The following RIC1 variants were observed in gnomAD, a reference collection of about 807,000 sequenced individuals.
RIC1 encodes guanine nucleotide exchange factor subunit RIC1.
A neutral mutation model predicts 169.0 loss-of-function variants in RIC1; 88 were observed. The ratio of observed to expected loss-of-function variants is 0.52; its 90% confidence interval spans 0.44 to 0.62. The LOEUF is 0.62. RIC1 is among the 20% of genes least tolerant of loss of function. The pLI is 0.00. For synonymous variants in RIC1, 790 were observed against 601.5 expected, an observed-to-expected ratio of 1.31 and a Z score of -4.59; for missense variants, 1,877 against 1,725.5, an observed-to-expected ratio of 1.09 and a Z score of -1.56.
At chr9:5,639,384 A>G (rs578191960) in intron 1 of RIC1, among the ~76,000 whole-genome samples, 96 of 152,266 alleles carry the variant, frequency 6.3e-4, no homozygotes, top group African/African-American at 2.2e-3. Flanking sequence ...ATATTGTTTA[A>G]TTTCCAAGTG....
At chr9:5,761,022 A>G (rs924196321) in intron 17 of RIC1, among the ~76,000 whole-genome samples, 1 of 150,440 alleles carries the variant, frequency 6.6e-6, no homozygotes. Context: ...CCAAAAGCTC[A>G]GGTGATGGCC....
At chr9:5,663,588 C>T (rs1035789226) in intron 2 of RIC1, among the ~76,000 whole-genome samples, 2 of 152,016 alleles carry the variant, frequency 1.3e-5, no homozygotes, top group African/African-American at 2.4e-5. Flanking sequence ...CCTTTTTTAT[C>T]TTTTTTCATT....
chr9:5,708,413 G>A (rs1401026096), intron 3 of RIC1, among the ~76,000 whole-genome samples: 1 of 152,036 alleles, frequency 6.6e-6, no homozygotes, highest in Non-Finnish European at 1.5e-5. Flanking sequence ...ATTGCCTCTT[G>A]TTTTTTCAGG....
chr9:5,629,233 G>T lies in RIC1; in HGVS notation c.-77G>T, dbSNP rs1817596458. The T allele has an allele frequency of 3.1e-6, 4 of 1,277,642 alleles. No homozygotes were observed. In the East Asian group the frequency reaches 9.5e-5, roughly 30 times the overall value. The allele number at this position is 1,277,642 out of a possible 1,614,324, so 79.1% of individuals were successfully genotyped here. On this transcript the variant is annotated 5_prime_UTR_variant, in exon 1 of 26. Coordinates refer to ENST00000414202, the MANE Select transcript of RIC1 (RefSeq NM_020829.4). The stretch of plus-strand genomic sequence containing the variant: ...CGCCGCCGACTCGGCCGGTGGCGGT[G>T]TGGGAGGTGGGCGACCAGCCCGGGG...
chr9:5,647,706 T>A (rs924557451), intron 1 of RIC1, among the ~76,000 whole-genome samples: 1 of 152,248 alleles, frequency 6.6e-6, no homozygotes, highest in Non-Finnish European at 1.5e-5. Context: ...ATAATTTTAC[T>A]TATTCATTTC....
chr9:5,690,179 G>T, intron 3 of RIC1, 141 bp downstream of exon 3: 1 of 482,166 alleles, frequency 2.1e-6, no homozygotes, highest in Non-Finnish European at 3.6e-6. Context: ...AAATTACCAG[G>T]TCTTTGAACT....
intron 3 of RIC1, among the ~76,000 whole-genome samples, chr9:5,710,880 TA>T (rs912151398): frequency 4.6e-5 from 7 of 151,934 alleles, no homozygotes; most frequent in Non-Finnish European, 7.4e-5. Context: ...GGATATAGAA[TA>T]AAAGACAAGA....
At chr9:5,690,906 A>G (rs964299889) in intron 3 of RIC1, among the ~76,000 whole-genome samples, 2 of 151,930 alleles carry the variant, frequency 1.3e-5, no homozygotes, top group African/African-American at 4.8e-5. Flanking sequence ...AACTCAAGAG[A>G]AAGTATTTAG....
intron 6 of RIC1, among the ~76,000 whole-genome samples, chr9:5,726,238 T>C (rs909570319): frequency 3.9e-5 from 6 of 152,252 alleles, no homozygotes; most frequent in Non-Finnish European, 8.8e-5. Context: ...TGGGTGCTCC[T>C]GTATTGGGTG....
At chr9:5,656,772 C>A in intron 2 of RIC1, 82 bp downstream of exon 2, 4 of 804,134 alleles carry the variant, frequency 5.0e-6, no homozygotes, top group South Asian at 1.7e-5. Flanking sequence ...AGATGACTTT[C>A]TTTCAGTCTT....
chr9:5,650,741 T>G (rs1818759116), intron 1 of RIC1, among the ~76,000 whole-genome samples: 2 of 152,072 alleles, frequency 1.3e-5, no homozygotes, highest in Admixed American at 6.5e-5. Flanking sequence ...AGTGTACGCT[T>G]TGGCTCTTTT....
intron 2 of RIC1, among the ~76,000 whole-genome samples, chr9:5,682,314 G>A (rs889541797): frequency 1.4e-4 from 22 of 152,128 alleles, no homozygotes; most frequent in Admixed American, 6.5e-5. Flanking sequence ...TCCTTTCCAC[G>A]TTTAGTGCTT....
At chr9:5,721,242 C>G (rs1823567208) in intron 6 of RIC1, among the ~76,000 whole-genome samples, 3 of 152,096 alleles carry the variant, frequency 2.0e-5, no homozygotes, top group Non-Finnish European at 4.4e-5. Flanking sequence ...GTACCGAAAC[C>G]ATGTGGTACT....
At chr9:5,732,888 C>T (rs1369166587) in intron 7 of RIC1, among the ~76,000 whole-genome samples, 4 of 151,868 alleles carry the variant, frequency 2.6e-5, no homozygotes, top group Admixed American at 2.6e-4. Flanking sequence ...ATTTAAAGTG[C>T]ACATATAAAA....
intron 12 of RIC1, among the ~76,000 whole-genome samples, chr9:5,750,732 C>T: frequency 6.6e-6 from 1 of 151,294 alleles, no homozygotes; most frequent in African/African-American, 2.4e-5. Context: ...TGTGGCATGA[C>T]TTCAGTGCCC....
chr9:5,767,032 C>A (rs1396532290), intron 21 of RIC1, among the ~76,000 whole-genome samples: 1 of 152,156 alleles, frequency 6.6e-6, no homozygotes, highest in Non-Finnish European at 1.5e-5. Flanking sequence ...GTCATTCTTG[C>A]AGGAGTAAGG....
At chr9:5,716,856 G>T (rs748844423) in intron 4 of RIC1, among the ~76,000 whole-genome samples, 87 of 152,022 alleles carry the variant, frequency 5.7e-4, no homozygotes, top group Non-Finnish European at 9.1e-4. Flanking sequence ...AATTTTTTTA[G>T]AGGTGGTAGT....
chr9:5,651,118 C>T (rs1238203505), intron 1 of RIC1, among the ~76,000 whole-genome samples: 3 of 152,188 alleles, frequency 2.0e-5, no homozygotes, highest in Non-Finnish European at 2.9e-5. Context: ...AGTCTCTGGA[C>T]CCCCTCTCTG....
chr9:5,720,154 C>G, intron 4 of RIC1, 28 bp from the exon 5 acceptor site: 1 of 1,590,992 alleles, frequency 6.3e-7, no homozygotes, highest in South Asian at 1.1e-5. Context: ...AGTATGCTCT[C>G]TTAAAAATTA....
Sources: gnomAD v4.1 joint callset for allele counts (sites outside exome capture counted in the v4.1 genomes callset) on GRCh38, gnomAD v4.1.1 for gene constraint, MANE v1.5 for transcripts, NCBI Gene and HGNC (gene_info 2026-07-23, HGNC 2026-07-21) for gene names.